CDH12: variants seen among roughly 807,000 people sequenced by gnomAD.
The protein encoded by CDH12 is cadherin-12.
CDH12 carries 41 observed loss-of-function variants against 74.1 expected under a neutral mutation model. The ratio of observed to expected loss-of-function variants is 0.55; its 90% CI spans 0.43 to 0.72. The LOEUF (loss-of-function observed/expected upper bound fraction) is 0.72, where lower values mean the gene tolerates loss of function less well. CDH12 is among the 30% of genes least tolerant of loss of function. The pLI is 0.00. For synonymous variants in CDH12, 399 were observed against 355.0 expected (o/e 1.12, Z -1.39); for missense variants, 945 against 977.2 (o/e 0.97, Z 0.44).
In CDH12 at chr5:22,581,405, A is replaced by G. The variant is rs1580785825; in HGVS notation, c.-522-76041T>C. On this transcript the variant is annotated intron_variant, in intron 1 of 14. Transcript: ENST00000382254. ...GGAACCTCTGCCTAGATTTCAGAGG[A>G]TATTTGGAAATGTCTGAATGCCCAG... Among the ~76,000 whole-genome samples, 5 of 152,246 alleles carry G rather than the reference A, an allele frequency of 3.3e-5. No individual in the cohort carries two copies. The Middle Eastern group carries it at 0.017, about 518-fold the overall frequency.
intron 3 of CDH12, among the ~76,000 whole-genome samples, chr5:22,334,935 G>C (rs1739509199): frequency 6.6e-6 from 1 of 152,074 alleles, no homozygotes; most frequent in South Asian, 2.1e-4. Flanking sequence ...CATTTGTCTG[G>C]ACAAAAATTT....
At chr5:22,369,837 A>G (rs1741199498) in intron 3 of CDH12, among the ~76,000 whole-genome samples, 2 of 152,214 alleles carry the variant, frequency 1.3e-5, no homozygotes, top group African/African-American at 4.8e-5. Context: ...CTGTCAGAAT[A>G]TGTGAAAACC....
At chr5:21,915,784 C>T (rs918981241) in intron 6 of CDH12, among the ~76,000 whole-genome samples, 4 of 150,770 alleles carry the variant, frequency 2.7e-5, no homozygotes, top group Admixed American at 6.6e-5. Context: ...ACGCTCCATC[C>T]GCTAAGCCTT....
chr5:22,547,312 T>C (rs1445481708), intron 1 of CDH12, among the ~76,000 whole-genome samples: 1 of 152,136 alleles, frequency 6.6e-6, no homozygotes, highest in Non-Finnish European at 1.5e-5. Flanking sequence ...GTTGAGAATA[T>C]TGAGAGACAT....
chr5:22,712,067 A>T (rs174874), intron 1 of CDH12, among the ~76,000 whole-genome samples: 45,120 of 151,706 alleles, frequency 0.3, 6,910 homozygotes, highest in South Asian at 0.34. Flanking sequence ...TATCTACATC[A>T]CCTAACACAG....
chr5:22,591,190 G>A (rs1177687403), intron 1 of CDH12, among the ~76,000 whole-genome samples: 1 of 152,148 alleles, frequency 6.6e-6, no homozygotes, highest in Non-Finnish European at 1.5e-5. Flanking sequence ...GTAAACCAAA[G>A]TAATATAAAA....
intron 1 of CDH12, among the ~76,000 whole-genome samples, chr5:22,840,329 G>A (rs372609388): frequency 3.3e-5 from 5 of 151,880 alleles, no homozygotes; most frequent in African/African-American, 1.2e-4. Flanking sequence ...TCACTGTGTT[G>A]GCCAGGATGG....
intron 6 of CDH12, among the ~76,000 whole-genome samples, chr5:21,919,195 T>C (rs2150070374): frequency 6.6e-6 from 1 of 152,316 alleles, no homozygotes; most frequent in Middle Eastern, 3.4e-3. Context: ...GTAGGGATGA[T>C]TTTATTTTAA....
chr5:22,352,155 C>T (rs1740382280), intron 3 of CDH12, among the ~76,000 whole-genome samples: 1 of 151,234 alleles, frequency 6.6e-6, no homozygotes, highest in African/African-American at 2.4e-5. Context: ...GGAAACCCAG[C>T]AGACTTTTTC....
intron 3 of CDH12, among the ~76,000 whole-genome samples, chr5:22,391,794 TA>T (rs1196101067): frequency 6.6e-6 from 1 of 152,078 alleles, no homozygotes; most frequent in Non-Finnish European, 1.5e-5. Flanking sequence ...ATAAAACCAA[TA>T]ATATCAGGAA....
At chr5:22,553,042 C>T (rs991325635) in intron 1 of CDH12, among the ~76,000 whole-genome samples, 1 of 151,956 alleles carries the variant, frequency 6.6e-6, no homozygotes, top group Non-Finnish European at 1.5e-5. Flanking sequence ...CCAATAAATG[C>T]CTACAAAACC....
chr5:21,828,799 T>C (rs1055680740), intron 8 of CDH12, among the ~76,000 whole-genome samples: 5 of 152,166 alleles, frequency 3.3e-5, no homozygotes, highest in Non-Finnish European at 7.3e-5. Flanking sequence ...AAATCTATTA[T>C]TCTTTCAGGG....
intron 1 of CDH12, among the ~76,000 whole-genome samples, chr5:22,712,682 A>G (rs1024135523): frequency 2.0e-5 from 3 of 152,170 alleles, no homozygotes; most frequent in Non-Finnish European, 4.4e-5. Context: ...AACCTTATGA[A>G]GTACACATTA....
chr5:22,796,858 T>C (rs1406496531), intron 1 of CDH12, among the ~76,000 whole-genome samples: 2 of 152,088 alleles, frequency 1.3e-5, no homozygotes, highest in Non-Finnish European at 2.9e-5. Flanking sequence ...TTCTTCATGA[T>C]TTAATCTCAC....
Position 21,783,502 on chromosome 5 carries a change from T to G in CDH12, c.1257-8A>C. On this transcript the variant is annotated splice_region_variant and splice_polypyrimidine_tract_variant and intron_variant, in intron 10 of 14. Coordinates refer to ENST00000382254, the MANE Select transcript of CDH12 (RefSeq NM_004061.5). ...TTCCAATCTATGAAGTACCTGTATATGAAAAGAGTAGATGCAAATGTGCAA... is the reference window on the plus strand; with the variant it reads ...TTCCAATCTATGAAGTACCTGTATAGGAAAAGAGTAGATGCAAATGTGCAA... 2 of 1,597,320 alleles carry G rather than the reference T, an allele frequency of 1.3e-6. No homozygotes were observed. Among genetic ancestry groups the G allele is most frequent in the Non-Finnish European group, 1.7e-6 (2 of 1,166,010 alleles).
chr5:22,669,664 A>G (rs1309605914), intron 1 of CDH12, among the ~76,000 whole-genome samples: 2 of 152,214 alleles, frequency 1.3e-5, no homozygotes, highest in South Asian at 2.1e-4. Context: ...GATATATGGC[A>G]ATGAAGATTT....
intron 1 of CDH12, among the ~76,000 whole-genome samples, chr5:22,511,719 G>A (rs74527926): frequency 1.3e-5 from 2 of 152,272 alleles, no homozygotes; most frequent in East Asian, 1.9e-4. Context: ...TGGACCGCAG[G>A]AATTCTGCTC....
At chr5:22,365,639 G>A (rs1740997536) in intron 3 of CDH12, among the ~76,000 whole-genome samples, 1 of 152,160 alleles carries the variant, frequency 6.6e-6, no homozygotes, top group Non-Finnish European at 1.5e-5. Context: ...TTGGAGAAAA[G>A]TTTTCTTCTT....
At chr5:22,481,705 A>C (rs1480324859) in intron 2 of CDH12, among the ~76,000 whole-genome samples, 1 of 152,182 alleles carries the variant, frequency 6.6e-6, no homozygotes, top group African/African-American at 2.4e-5. Context: ...GAAGGAAGAC[A>C]TAAGGAGTCA....
Sources: gnomAD v4.1 joint callset for allele counts (sites outside exome capture counted in the v4.1 genomes callset) on GRCh38, gnomAD v4.1.1 for gene constraint, MANE v1.5 for transcripts, NCBI Gene and HGNC (gene_info 2026-07-23, HGNC 2026-07-21) for gene names.